The following SLC38A7 variants were observed in gnomAD, a reference collection of about 807,000 sequenced individuals.
SLC38A7 encodes sodium-coupled neutral amino acid transporter 7.
A neutral mutation model predicts 50.1 loss-of-function variants in SLC38A7; 29 were observed. The observed-to-expected ratio is 0.58, with a 90% CI of 0.43 to 0.79. The LOEUF is 0.79. Among genes scored for constraint, SLC38A7 ranks in the 30% least tolerant of loss-of-function variants. SLC38A7 has a pLI of 0.00. For synonymous variants in SLC38A7, 244 were observed against 245.9 expected, an observed-to-expected ratio of 0.99 and a Z score of 0.07; for missense variants, 483 against 610.6, an observed-to-expected ratio of 0.79 and a Z score of 2.20.
Position 58,677,435 on chromosome 16 carries a change from G to A in SLC38A7, c.612-11C>T, listed in dbSNP as rs767597823. ...ACGACGCTCAGGAAGCTGCCGGGAA[G>A]GAGAGACTAAGTGTCCTCATCCCCA... is the stretch of plus-strand genomic sequence containing the variant. On this transcript the variant is annotated splice_polypyrimidine_tract_variant and intron_variant, in intron 5 of 11. Coordinates refer to ENST00000219320, the MANE Select transcript of SLC38A7 (RefSeq NM_018231.3). The A allele has an allele frequency of 6.8e-6, 11 of 1,613,412 alleles. No homozygotes were observed. The highest frequency in any genetic ancestry group is 9.3e-6 in the Non-Finnish European group (11 of 1,179,356).
chr16:58,679,751 G>C, intron 3 of SLC38A7, 106 bp downstream of exon 3: 2 of 1,420,252 alleles, frequency 1.4e-6, no homozygotes, highest in Non-Finnish European at 2.0e-6. Flanking sequence ...AGGGAGGGGA[G>C]AGCAGTGCGT....
At chr16:58,670,852 T>A (rs1172445738) in intron 10 of SLC38A7, among the ~76,000 whole-genome samples, 193 bp downstream of exon 10, 1 of 152,166 alleles carries the variant, frequency 6.6e-6, no homozygotes, top group Non-Finnish European at 1.5e-5. Context: ...ATCAGTAAAC[T>A]GGAGATCACA....
At chr16:58,679,346 C>T (rs1435428385) in intron 3 of SLC38A7, among the ~76,000 whole-genome samples, 1 of 152,036 alleles carries the variant, frequency 6.6e-6, no homozygotes, top group African/African-American at 2.4e-5. Flanking sequence ...AAGCCGAGAT[C>T]GGGCCACTGC....
chr16:58,675,325 A>G (rs1011990922), intron 8 of SLC38A7: 1 of 429,396 alleles, frequency 2.3e-6, no homozygotes, highest in African/African-American at 2.1e-5. Context: ...TAGGCAACAT[A>G]GTGAGACCTT....
chr16:58,673,886 C>T (rs1450761780), intron 8 of SLC38A7, among the ~76,000 whole-genome samples: 1 of 150,496 alleles, frequency 6.6e-6, no homozygotes, highest in African/African-American at 2.5e-5. Flanking sequence ...AGTGCAGCGG[C>T]GCGATCTTGG....
chr16:58,667,415 G>T lies in SLC38A7; in HGVS notation c.1359C>A (p.Ala453=), dbSNP rs772057052. Residue 453 remains alanine (A), a synonymous_variant, in exon 12 of 12, where the codon GCC becomes GCA. Transcript: ENST00000219320. ...LGAFIFGQTT[A]NAIFVDLLA The stretch of plus-strand genomic sequence containing the variant: ...CCAAGAGATCCACAAAGATGGCGTT[G>T]GCTGTGGTCTGGCCGAAGATGAAGG... The T allele has an allele frequency of 1.2e-6, 2 of 1,614,104 alleles. No individual in the cohort carries two copies. The highest frequency in any genetic ancestry group is 1.3e-5 in the African/African-American group (1 of 75,050).
chr16:58,673,380 C>T (rs760425870), intron 8 of SLC38A7, among the ~76,000 whole-genome samples: 13 of 151,862 alleles, frequency 8.6e-5, no homozygotes, highest in South Asian at 2.1e-4. Flanking sequence ...GGATTACAGG[C>T]GCCCGCCACC....
chr16:58,677,090 C>T (rs560924070), intron 6 of SLC38A7, among the ~76,000 whole-genome samples: 9 of 152,324 alleles, frequency 5.9e-5, no homozygotes, highest in African/African-American at 2.2e-4. Context: ...TAGCCTCACA[C>T]TGGCTCATCT....
chr16:58,678,417 C>T lies in SLC38A7; in HGVS notation c.527G>A (p.Arg176His), dbSNP rs143368156. The part of the protein sequence containing the change: ...EGASGPWYTD[R>H]KFTISLTAFL... ...GGCAGTGAGGCTGATGGTGAACTTGCGGTCTGTGTACCAAGGGCCGCTGGC... is the reference window on the plus strand; with the variant it reads ...GGCAGTGAGGCTGATGGTGAACTTGTGGTCTGTGTACCAAGGGCCGCTGGC... Residue 176 changes from arginine to histidine, a missense_variant, in exon 5 of 12, where the codon CGC becomes CAC. Arg to His is a conservative substitution (Grantham distance 29). Transcript: ENST00000219320. This position sits in a 1 kb window ranked among gnomAD's most constrained non-coding sequence, Gnocchi z 4.0. 8 of 1,599,422 alleles carry T rather than the reference C, an allele frequency of 5.0e-6. No homozygotes were observed. In the African/African-American group the frequency reaches 5.4e-5, roughly 11 times the overall value.
chr16:58,673,865 C>G (rs2152077237), intron 8 of SLC38A7, among the ~76,000 whole-genome samples: 1 of 150,528 alleles, frequency 6.6e-6, no homozygotes, highest in East Asian at 2.0e-4. Flanking sequence ...TCACTTTCTC[C>G]CCCAGGCTGG....
At position 58,678,812 on chromosome 16, in the gene SLC38A7, A is replaced by C; in HGVS notation, c.353T>G (p.Val118Gly). The C allele has an allele frequency of 6.2e-7, 1 of 1,613,852 alleles. No individual in the cohort carries two copies. The highest frequency in any genetic ancestry group is 2.2e-5 in the East Asian group (1 of 44,862). Reference sequence around the variant, plus strand: ...CAGCTTGCCACACACAGCCCATACCACCTCCTGGTAGGTCCTCTCATTGCT... The same window carrying C: ...CAGCTTGCCACACACAGCCCATACCCCCTCCTGGTAGGTCCTCTCATTGCT... ...QASNERTYQEVVWAVCGKLTG... is the reference protein window; with the variant it reads ...QASNERTYQEGVWAVCGKLTG... Residue 118 changes from valine to glycine, a missense_variant, in exon 4 of 12, where the codon GTG (valine) becomes GGG (glycine). Val to Gly is a moderately radical substitution (Grantham distance 109). Transcript: ENST00000219320. The surrounding 1 kb of genome is among the most constrained non-coding windows in gnomAD (Gnocchi z 4.0).
In SLC38A7 at chr16:58,678,566, G is replaced by A. The variant is rs1395871065; in HGVS notation, c.470-92C>T. The A allele has an allele frequency of 4.5e-6, 7 of 1,556,246 alleles. No homozygotes were observed. The Admixed American group carries it at 7.0e-5, about 16-fold the overall frequency. Reference sequence around the variant, plus strand: ...GGGCCCCAGGACCTCCCTCTGCCTGGAGGGAGGATTCCCAGATGAATGCTG... The same window carrying A: ...GGGCCCCAGGACCTCCCTCTGCCTGAAGGGAGGATTCCCAGATGAATGCTG... On this transcript the variant is annotated intron_variant, in intron 4 of 11. Transcript: ENST00000219320. This position sits in a 1 kb window ranked among gnomAD's most constrained non-coding sequence, Gnocchi z 4.0.
chr16:58,674,256 A>T (rs1234110888), intron 8 of SLC38A7, among the ~76,000 whole-genome samples: 1 of 152,050 alleles, frequency 6.6e-6, no homozygotes, highest in East Asian at 1.9e-4. Flanking sequence ...GGCATGATCC[A>T]CTGGGCCTGT....
At chr16:58,668,919 G>A (rs1047185905) in intron 11 of SLC38A7, among the ~76,000 whole-genome samples, 20 of 149,844 alleles carry the variant, frequency 1.3e-4, no homozygotes, top group Admixed American at 8.0e-4. Flanking sequence ...ACAGGCATGC[G>A]CCACCACAAC....
chr16:58,670,027 G>T, intron 11 of SLC38A7, 86 bp downstream of exon 11: 2 of 1,165,936 alleles, frequency 1.7e-6, no homozygotes, highest in Non-Finnish European at 2.5e-6. Flanking sequence ...ACAAGCCTCT[G>T]ACTCCTATCT....
At chr16:58,669,882 C>T (rs1183809183) in intron 11 of SLC38A7, among the ~76,000 whole-genome samples, 11 of 151,176 alleles carry the variant, frequency 7.3e-5, no homozygotes, top group African/African-American at 2.4e-4. Flanking sequence ...GGCTGAGGCA[C>T]GAGAATGGTG....
At chr16:58,679,714 A>C in intron 3 of SLC38A7, 143 bp downstream of exon 3, 1 of 1,094,012 alleles carries the variant, frequency 9.1e-7, no homozygotes, top group Non-Finnish European at 1.3e-6. Context: ...GAATACTAGA[A>C]TAGATTAGTC....
chr16:58,672,982 C>A (rs971232732), intron 8 of SLC38A7, among the ~76,000 whole-genome samples: 1 of 151,116 alleles, frequency 6.6e-6, no homozygotes, highest in Non-Finnish European at 1.5e-5. Context: ...GGCTGGCACG[C>A]GGTGGCACGA....
chr16:58,670,652 C>T (rs2044141102), intron 10 of SLC38A7, among the ~76,000 whole-genome samples: 1 of 152,212 alleles, frequency 6.6e-6, no homozygotes, highest in South Asian at 2.1e-4. Flanking sequence ...CACCCCAGAC[C>T]CCACTGCCCT....
Sources: allele counts gnomAD v4.1 joint callset (sites outside exome capture counted in the v4.1 genomes callset), GRCh38; gene constraint gnomAD v4.1.1; non-coding constraint Gnocchi (gnomAD v3.1); transcripts MANE v1.5; gene names NCBI Gene and HGNC (gene_info 2026-07-23, HGNC 2026-07-21).